Variants in DENND1B observed in about 807,000 individuals in gnomAD.
DENND1B encodes DENN domain containing 1B.
A neutral mutation model predicts 90.1 loss-of-function variants in DENND1B; 59 were observed. The ratio of observed to expected loss-of-function variants is 0.65; its 90% CI spans 0.53 to 0.81. DENND1B has a LOEUF of 0.81. DENND1B is among the 40% of genes least tolerant of loss of function. The pLI is 0.00. For missense variants in DENND1B, 862 were observed against 912.6 expected (o/e 0.94, Z 0.71); for synonymous variants, 337 against 324.6 (o/e 1.04, Z -0.41).
At chr1:197,626,822 T>C (rs1352001280) in intron 10 of DENND1B, among the ~76,000 whole-genome samples, 3 of 150,776 alleles carry the variant, frequency 2.0e-5, no homozygotes, top group Non-Finnish European at 3.0e-5. Context: ...ATCAAATAGA[T>C]GGAAAAAAAA....
chr1:197,652,122 T>C (rs1158701532), intron 7 of DENND1B, 113 bp downstream of exon 7: 1 of 783,228 alleles, frequency 1.3e-6, no homozygotes, highest in Non-Finnish European at 2.1e-6. Flanking sequence ...AGCAATGAAG[T>C]CTTCCTGGAA....
chr1:197,666,475 G>A (rs1775451), intron 5 of DENND1B, among the ~76,000 whole-genome samples: 127,877 of 152,212 alleles, frequency 0.84, 54,006 homozygotes, highest in African/African-American at 0.92. Context: ...GATCCTCCAA[G>A]TTTTCTATAG....
At chr1:197,537,142 A>C (rs761094900) in intron 20 of DENND1B, among the ~76,000 whole-genome samples, 1 of 152,168 alleles carries the variant, frequency 6.6e-6, no homozygotes, top group Non-Finnish European at 1.5e-5. Flanking sequence ...CTGGGTATAC[A>C]TGTTTCCTGA....
At chr1:197,689,585 C>T (rs986941698) in intron 3 of DENND1B, 4 of 162,064 alleles carry the variant, frequency 2.5e-5, no homozygotes, top group African/African-American at 9.6e-5. Context: ...GTAAAACAAC[C>T]AACTGTTCAT....
intron 3 of DENND1B, among the ~76,000 whole-genome samples, chr1:197,713,635 G>A (rs1571457904): frequency 1.5e-5 from 1 of 64,650 alleles, no homozygotes; most frequent in Non-Finnish European, 2.8e-5. Flanking sequence ...CCTAATGCTA[G>A]ATGACACGTT....
intron 5 of DENND1B, among the ~76,000 whole-genome samples, chr1:197,662,495 A>G (rs1038212395): frequency 3.3e-5 from 5 of 152,066 alleles, no homozygotes; most frequent in African/African-American, 9.7e-5. Context: ...AACCTGAGTA[A>G]TATATGCTCA....
In DENND1B at chr1:197,634,594, T is replaced by C. The variant is rs72744908; in HGVS notation, c.672+8117A>G. ...GGTTTAAGATGTATTAATACATTTT[T>C]CCCTAAGGCATTACTGTTTTGGCAT... is the stretch of plus-strand genomic sequence containing the variant. On this transcript the variant is annotated intron_variant, in intron 10 of 22. Transcript: ENST00000620048. Among the ~76,000 whole-genome samples the C allele has an allele frequency of 5.8e-4, 88 of 152,314 alleles. 1 individual carries two copies. The highest frequency in any genetic ancestry group is 7.2e-4 in the Non-Finnish European group (49 of 68,020).
chr1:197,552,900 A>G (rs1165124922), intron 16 of DENND1B, 122 bp downstream of exon 16: 1 of 1,505,420 alleles, frequency 6.6e-7, no homozygotes, highest in African/African-American at 1.5e-5. Context: ...TGTATTTAAG[A>G]CATTACATAT....
intron 14 of DENND1B, 70 bp downstream of exon 14, chr1:197,595,138 C>CT (rs1675568389): frequency 6.6e-7 from 1 of 1,514,138 alleles, no homozygotes; most frequent in Non-Finnish European, 8.8e-7. Flanking sequence ...AATGATGTCT[C>CT]TTTTTTTCTG....
chr1:197,672,553 C>T (rs1258214791), intron 4 of DENND1B, among the ~76,000 whole-genome samples: 1 of 151,926 alleles, frequency 6.6e-6, no homozygotes, highest in African/African-American at 2.4e-5. Context: ...TCTAAAATTG[C>T]TTAGATAGCA....
intron 20 of DENND1B, among the ~76,000 whole-genome samples, chr1:197,520,244 G>A (rs1668678403): frequency 6.6e-6 from 1 of 151,792 alleles, no homozygotes; most frequent in African/African-American, 2.4e-5. Context: ...TGCCTTCCAT[G>A]CTGTGAAGCA....
At chr1:197,511,693 C>A (rs1668038960) in intron 22 of DENND1B, 35 bp downstream of exon 22, 2 of 1,508,248 alleles carry the variant, frequency 1.3e-6, no homozygotes, top group African/African-American at 1.4e-5. Flanking sequence ...AGAATATTTT[C>A]TTCTAATTTT....
intron 20 of DENND1B, among the ~76,000 whole-genome samples, chr1:197,522,991 A>G (rs1668879276): frequency 6.6e-6 from 1 of 152,126 alleles, no homozygotes; most frequent in Admixed American, 6.6e-5. Context: ...GCTCTTTTCC[A>G]TATGTAAATT....
chr1:197,624,928 T>C lies in DENND1B; in HGVS notation c.673-7169A>G, dbSNP rs1233720219. 3.3e-5 allele frequency among the ~76,000 whole-genome samples: 5 copies of C among 151,456 alleles called. No homozygotes were observed. In the South Asian group the frequency reaches 6.2e-4, roughly 19 times the overall value. ...AAGAAAGGGTATCAGTGATGGAAGATGAAATGAATGAAATGAAGCAAGAAG... is the reference window on the plus strand; with the variant it reads ...AAGAAAGGGTATCAGTGATGGAAGACGAAATGAATGAAATGAAGCAAGAAG... On this transcript the variant is annotated intron_variant, in intron 10 of 22. Transcript: ENST00000620048.
At chr1:197,746,697 C>T in intron 2 of DENND1B, 1 of 811,372 alleles carries the variant, frequency 1.2e-6, no homozygotes, top group Non-Finnish European at 2.1e-6. Flanking sequence ...GGAAAACGTT[C>T]TCAGTAAATT....
At chr1:197,770,225 A>G (rs1307339149) in intron 2 of DENND1B, among the ~76,000 whole-genome samples, 2 of 152,184 alleles carry the variant, frequency 1.3e-5, no homozygotes, top group Non-Finnish European at 2.9e-5. Context: ...AGAAGCCAAC[A>G]TTATTTACTT....
chr1:197,545,101 A>G (rs1670706456), intron 18 of DENND1B, among the ~76,000 whole-genome samples: 1 of 151,682 alleles, frequency 6.6e-6, no homozygotes. Flanking sequence ...ATGTTTTAAG[A>G]AAGTTTAAGA....
intron 16 of DENND1B, among the ~76,000 whole-genome samples, chr1:197,546,997 T>C (rs919084590): frequency 1.1e-4 from 16 of 152,196 alleles, no homozygotes; most frequent in African/African-American, 2.9e-4. Context: ...GAAATACATA[T>C]ACAACTTACC....
chr1:197,626,552 TAA>T (rs1460831533), intron 10 of DENND1B, among the ~76,000 whole-genome samples: 1 of 152,154 alleles, frequency 6.6e-6, no homozygotes, highest in Admixed American at 6.5e-5. Context: ...TTTATAGCAC[TAA>T]ATGCCCTCAA....
Sources: allele counts gnomAD v4.1 joint callset (sites outside exome capture counted in the v4.1 genomes callset), GRCh38; gene constraint gnomAD v4.1.1; transcripts MANE v1.5; gene names NCBI Gene and HGNC (gene_info 2026-07-23, HGNC 2026-07-21).